Variants in CPZ observed in about 807,000 individuals in gnomAD.
CPZ encodes carboxypeptidase Z.
Under a neutral mutation model 61.8 loss-of-function variants are expected in CPZ, and 103 were observed. The ratio of observed to expected loss-of-function variants is 1.67; its 90% CI spans 1.42 to 1.96. The LOEUF is 1.96. Among genes scored for constraint, CPZ ranks in the 30% most tolerant of loss-of-function variants. CPZ has a pLI of 0.00. For synonymous variants in CPZ, 551 were observed against 373.7 expected, an observed-to-expected ratio of 1.47 and a Z score of -5.47; for missense variants, 1,461 against 914.9, an observed-to-expected ratio of 1.60 and a Z score of -7.70.
Position 8,601,241 on chromosome 4 carries a change from C to G in CPZ, c.240C>G (p.Ile80Met). Residue 80 changes from isoleucine (I) to methionine (M), a missense_variant, in exon 3 of 11, where the codon ATC becomes ATG. Physicochemically the swap from Ile to Met is conservative, Grantham distance 10. Coordinates refer to ENST00000360986, the MANE Select transcript of CPZ (RefSeq NM_001014447.3). ...TGGTGGAGGCCAGCTCCGAGTACATCCTGCTGAGCGTTCTACACCAGCTCC... is the reference window on the plus strand; with the variant it reads ...TGGTGGAGGCCAGCTCCGAGTACATGCTGCTGAGCGTTCTACACCAGCTCC... The part of the protein sequence containing the change: ...WEVVEASSEY[I>M]LLSVLHQLLE... 1 of 1,613,586 alleles carries G rather than the reference C, an allele frequency of 6.2e-7. No homozygotes were observed. Among genetic ancestry groups the G allele is most frequent in the South Asian group, 1.1e-5 (1 of 91,070 alleles).
chr4:8,594,988 G>A (rs1236618407), intron 1 of CPZ, among the ~76,000 whole-genome samples: 1 of 152,140 alleles, frequency 6.6e-6, no homozygotes, highest in East Asian at 1.9e-4. Flanking sequence ...TGGCCAGGAT[G>A]GTCTTGATCT....
intron 3 of CPZ, chr4:8,602,906 G>T (rs996931083): frequency 2.0e-5 from 3 of 152,370 alleles, no homozygotes; most frequent in South Asian, 2.1e-4. Flanking sequence ...CAGCGGTAGG[G>T]GGGGTGCCCT....
intron 10 of CPZ, among the ~76,000 whole-genome samples, chr4:8,619,018 T>TG (rs1361199402): frequency 1.5e-5 from 2 of 132,052 alleles, no homozygotes; most frequent in East Asian, 2.5e-4. Flanking sequence ...GGGGTGGGTA[T>TG]GGGGGGTGGG....
chr4:8,611,921 C>G (rs758326748), intron 7 of CPZ, 106 bp from the exon 8 acceptor site: 62 of 1,492,742 alleles, frequency 4.2e-5, no homozygotes, highest in Non-Finnish European at 5.6e-5. Flanking sequence ...CCTCTCCTAT[C>G]TGCAATGCAG....
Position 8,605,446 on chromosome 4 carries a change from C to CCCAT in CPZ, c.710-537_710-534dup, listed in dbSNP as rs199662953. Among the ~76,000 whole-genome samples, 1,095 of 151,994 alleles carry CCCAT rather than the reference C, an allele frequency of 7.2e-3. 7 individuals carry two copies. Among genetic ancestry groups the CCCAT allele is most frequent in the South Asian group, 0.039 (188 of 4,808 alleles). On this transcript the variant is annotated intron_variant, in intron 4 of 10. Transcript: ENST00000360986. ...CATCATCCATCCATTTATTTACACA[C>CCCAT]CCATCCATCATCCGTCCATCCATTC...
At chr4:8,608,641 C>CGTGTGTGTGTATGTATGCCT (rs57341669) in intron 7 of CPZ, among the ~76,000 whole-genome samples, 1 of 151,418 alleles carries the variant, frequency 6.6e-6, no homozygotes, top group African/African-American at 2.4e-5. Context: ...TGTGAGTGCA[C>CGTGTGTGTGTATGTATGCCT]GTGTGTGCGT....
chr4:8,596,142 C>T (rs978629962), intron 1 of CPZ, among the ~76,000 whole-genome samples: 1 of 152,162 alleles, frequency 6.6e-6, no homozygotes, highest in Admixed American at 6.5e-5. Context: ...ACCTCCACCT[C>T]CCAGGTTCAA....
In CPZ at chr4:8,609,266, TATTC is replaced by T. The variant is rs773215185; in HGVS notation, c.1227+1847_1227+1850del. Among the ~76,000 whole-genome samples, 50 of 150,250 alleles carry T rather than the reference TATTC, an allele frequency of 3.3e-4. 1 individual carries two copies. Among genetic ancestry groups the T allele is most frequent in the Middle Eastern group, 3.4e-3 (1 of 294 alleles). On this transcript the variant is annotated intron_variant, in intron 7 of 10. Transcript: ENST00000360986. ...TTCACTCATCACTCACTCATTCTCTTATTCATTCACACACTAATTTTCTCAGTCA... is the reference window on the plus strand; with the variant it reads ...TTCACTCATCACTCACTCATTCTCTTATTCACACACTAATTTTCTCAGTCA...
In CPZ at chr4:8,611,382, G is replaced by A. The variant is rs1033896852; in HGVS notation, c.1228-645G>A. ...CTCTGGGCTGGGAAGGGAAGCCTGT[G>A]GGGAGGGACCCAGGATCCCAGCCAC... is the stretch of plus-strand genomic sequence containing the variant. On this transcript the variant is annotated intron_variant, in intron 7 of 10. Transcript: ENST00000360986. 6 of 431,220 alleles carry A rather than the reference G, an allele frequency of 1.4e-5. No homozygotes were observed. The East Asian group carries it at 3.7e-4, about 26-fold the overall frequency. The allele number at this position is 431,220 out of a possible 1,614,324, so 26.7% of individuals were successfully genotyped here.
At chr4:8,612,211 G>GGGGGGGGGGC in intron 8 of CPZ, 49 bp downstream of exon 8, 1 of 215,366 alleles carries the variant, frequency 4.6e-6, no homozygotes, top group Non-Finnish European at 8.4e-6. Flanking sequence ...GGGTGCAGGG[G>GGGGGGGGGGC]CTGGGTGGGG....
intron 4 of CPZ, among the ~76,000 whole-genome samples, chr4:8,605,629 T>C (rs569327140): frequency 0.012 from 1,336 of 115,176 alleles, 22 homozygotes; most frequent in African/African-American, 0.033. Context: ...CATCCATCAT[T>C]GATATATCCA....
intron 1 of CPZ, among the ~76,000 whole-genome samples, chr4:8,593,234 G>C (rs1713929931): frequency 6.6e-6 from 1 of 152,204 alleles, no homozygotes; most frequent in Admixed American, 6.5e-5. Flanking sequence ...CCTGCAGGTG[G>C]GTTCGAGGGA....
chr4:8,607,984 G>C (rs140056105), intron 7 of CPZ, among the ~76,000 whole-genome samples: 1,979 of 152,278 alleles, frequency 0.013, 45 homozygotes, highest in African/African-American at 0.044. Context: ...AGCAGCGGGC[G>C]ATGAGACCCG....
chr4:8,618,549 C>T (rs564001800), intron 10 of CPZ, 21 bp downstream of exon 10: 16 of 1,605,694 alleles, frequency 1.0e-5, no homozygotes, highest in Non-Finnish European at 1.3e-5. Context: ...CCCTGGCTGT[C>T]CCCTGGGGAC....
Position 8,619,718 on chromosome 4 carries a change from C to A in CPZ, c.*101C>A. 2.3e-6 allele frequency: 2 copies of A among 880,598 alleles called. No individual in the cohort carries two copies. Among genetic ancestry groups the A allele is most frequent in the Non-Finnish European group, 3.3e-6 (2 of 611,940 alleles). 54.5% of individuals were successfully genotyped at this position (880,598 alleles called of 1,614,324 possible). A position where few individuals can be genotyped will look rare whatever the true frequency, so the allele number is the denominator to read the frequency against. Reference sequence around the variant, plus strand: ...GTCTGCCACAGACATCCCACAAAGCCGCTGCCATTTTATTAAAGTGTTTTG... The same window carrying A: ...GTCTGCCACAGACATCCCACAAAGCAGCTGCCATTTTATTAAAGTGTTTTG... On this transcript the variant is annotated 3_prime_UTR_variant, in exon 11 of 11. Transcript: ENST00000360986.
intron 3 of CPZ, chr4:8,602,152 A>C (rs1714626504): frequency 6.6e-6 from 1 of 152,286 alleles, no homozygotes; most frequent in Non-Finnish European, 1.5e-5. Context: ...ACCATGGGCC[A>C]CTTGTCTCTG....
At chr4:8,601,760 G>C (rs1319093630) in intron 3 of CPZ, among the ~76,000 whole-genome samples, 1 of 152,186 alleles carries the variant, frequency 6.6e-6, no homozygotes, top group African/African-American at 2.4e-5. Flanking sequence ...GCAGGCTGGG[G>C]TGGAAGGGTG....
intron 4 of CPZ, among the ~76,000 whole-genome samples, chr4:8,605,556 C>T (rs1714897925): frequency 6.8e-6 from 1 of 147,624 alleles, no homozygotes; most frequent in Non-Finnish European, 1.5e-5. Flanking sequence ...ATTCATCCAT[C>T]ATTGATATAT....
Position 8,607,282 on chromosome 4 carries a change from A to G in CPZ, c.1084A>G (p.Lys362Glu). Residue 362 changes from lysine (K) to glutamate (E), a missense_variant, in exon 7 of 11, where the codon AAG becomes GAG. Physicochemically the swap from Lys to Glu is moderately conservative, Grantham distance 56. Transcript: ENST00000360986. Reference protein sequence around the residue: ...YWWGKVAPETKAIMKWMQTIP... With the variant: ...YWWGKVAPETEAIMKWMQTIP... ...TCCTGGGCAGGTGGCCCCGGAGACA[A>G]AGGCAATCATGAAGTGGATGCAGAC... The G allele has an allele frequency of 2.5e-6, 4 of 1,614,016 alleles. No individual in the cohort carries two copies. The highest frequency in any genetic ancestry group is 3.4e-6 in the Non-Finnish European group (4 of 1,179,924).
Sources: gnomAD v4.1 joint callset for allele counts (sites outside exome capture counted in the v4.1 genomes callset) on GRCh38, gnomAD v4.1.1 for gene constraint, MANE v1.5 for transcripts, NCBI Gene and HGNC (gene_info 2026-07-23, HGNC 2026-07-21) for gene names.